RAPGEF6: variants seen among roughly 807,000 people sequenced by gnomAD.
The protein encoded by RAPGEF6 is Rap guanine nucleotide exchange factor 6.
In RAPGEF6, 56 loss-of-function variants were observed where a neutral mutation model predicts 171.4. The ratio of observed to expected loss-of-function variants is 0.33; its 90% confidence interval spans 0.26 to 0.41. The LOEUF is 0.41. RAPGEF6 is among the 10% of genes least tolerant of loss of function. The probability of loss-of-function intolerance (pLI) is 1.00; values close to 1 mark genes in which losing one functional copy is unlikely to be tolerated. For missense variants in RAPGEF6, 1,674 were observed against 1,921.4 expected (o/e 0.87, Z 2.41); for synonymous variants, 692 against 650.1 (o/e 1.06, Z -0.98).
chr5:131,530,471 T>C (rs1001242598), intron 6 of RAPGEF6, among the ~76,000 whole-genome samples: 2 of 152,158 alleles, frequency 1.3e-5, no homozygotes, highest in Admixed American at 6.5e-5. Flanking sequence ...CATAGTAGCA[T>C]AGGCAAAAAT....
intron 1 of RAPGEF6, among the ~76,000 whole-genome samples, chr5:131,634,464 G>A (rs756700266): frequency 6.6e-6 from 1 of 152,178 alleles, no homozygotes; most frequent in African/African-American, 2.4e-5. Context: ...CTTTAAACAT[G>A]CATCATCTAC....
Position 131,505,448 on chromosome 5 carries a change from A to T in RAPGEF6, c.1017T>A (p.Phe339Leu). 3 of 1,613,614 alleles carry T rather than the reference A, an allele frequency of 1.9e-6. No individual in the cohort carries two copies. The highest frequency in any genetic ancestry group is 2.5e-6 in the Non-Finnish European group (3 of 1,179,712). Residue 339 changes from phenylalanine (F) to leucine (L), a missense_variant, in exon 10 of 28, where the codon TTT becomes TTA. Physicochemically the swap from Phe to Leu is conservative, Grantham distance 22. Coordinates refer to ENST00000509018, the MANE Select transcript of RAPGEF6 (RefSeq NM_016340.6). ...SHPDGKVENL[F>L]MGNSFGITPT... The stretch of plus-strand genomic sequence containing the variant: ...GAGTAATTCCAAAACTATTTCCCAT[A>T]AACAAATTTTCAACTTTTCCATCTG...
chr5:131,449,657 G>T (rs747386699), intron 21 of RAPGEF6, among the ~76,000 whole-genome samples: 2 of 152,154 alleles, frequency 1.3e-5, no homozygotes, highest in South Asian at 4.1e-4. Flanking sequence ...ACTATGGAAA[G>T]AAAAGTATCT....
At chr5:131,560,575 C>G (rs927402598) in intron 5 of RAPGEF6, among the ~76,000 whole-genome samples, 2 of 152,156 alleles carry the variant, frequency 1.3e-5, no homozygotes, top group African/African-American at 4.8e-5. Flanking sequence ...TTCCTCAATA[C>G]ATACATTAAA....
At chr5:131,556,578 A>G (rs1761249729) in intron 5 of RAPGEF6, among the ~76,000 whole-genome samples, 1 of 152,200 alleles carries the variant, frequency 6.6e-6, no homozygotes, top group Non-Finnish European at 1.5e-5. Flanking sequence ...AAAATTTTAC[A>G]TATATTAAAA....
rs779762756 is a variant in RAPGEF6 at position 131,430,905 on chromosome 5, G to A, written c.4419C>T (p.Asp1473=). Residue 1473 remains aspartate (D), a synonymous_variant, in exon 26 of 28, where the codon GAC becomes GAT. Coordinates refer to ENST00000509018, the MANE Select transcript of RAPGEF6 (RefSeq NM_016340.6). ...SEGLDPKDAT[D]PVYKTVTSST... ...TTGAAGTGACAGTTTTATAAACTGG[G>A]TCAGTGGCATCCTTGGGGTCCAAGC... 4 of 1,611,898 alleles carry A rather than the reference G, an allele frequency of 2.5e-6. No individual in the cohort carries two copies. The East Asian group carries it at 6.7e-5, about 27-fold the overall frequency.
intron 6 of RAPGEF6, among the ~76,000 whole-genome samples, chr5:131,528,323 A>ATATTTATATAT (rs71000996): frequency 9.1e-5 from 10 of 109,360 alleles, no homozygotes; most frequent in South Asian, 7.2e-4. Context: ...TTATATATAT[A>ATATTTATATAT]TATATATATA....
intron 1 of RAPGEF6, among the ~76,000 whole-genome samples, chr5:131,613,072 C>T (rs533070416): frequency 5.3e-5 from 8 of 152,250 alleles, no homozygotes; most frequent in African/African-American, 1.9e-4. Context: ...AACATGTAGT[C>T]CTTCACAACA....
intron 4 of RAPGEF6, among the ~76,000 whole-genome samples, chr5:131,586,161 G>C (rs551118777): frequency 1.3e-5 from 2 of 152,276 alleles, no homozygotes; most frequent in South Asian, 4.1e-4. Context: ...TTAGAATTAA[G>C]AGCTCATGTT....
intron 1 of RAPGEF6, among the ~76,000 whole-genome samples, chr5:131,629,267 C>G (rs1222915712): frequency 6.6e-6 from 1 of 151,826 alleles, no homozygotes; most frequent in Non-Finnish European, 1.5e-5. Context: ...ATCACTTGAG[C>G]CTAGGAGTTC....
chr5:131,572,956 C>G (rs922781802), intron 4 of RAPGEF6, among the ~76,000 whole-genome samples: 3 of 152,116 alleles, frequency 2.0e-5, no homozygotes, highest in African/African-American at 4.8e-5. Context: ...CGCAAATGGT[C>G]TGAGGTGCCT....
intron 12 of RAPGEF6, among the ~76,000 whole-genome samples, chr5:131,496,643 G>C (rs113126715): frequency 5.9e-5 from 9 of 152,208 alleles, no homozygotes; most frequent in African/African-American, 2.2e-4. Flanking sequence ...CTTTTACTTA[G>C]CTTAATGTTT....
chr5:131,481,116 G>T (rs1332237396), intron 15 of RAPGEF6, among the ~76,000 whole-genome samples: 1 of 151,624 alleles, frequency 6.6e-6, no homozygotes, highest in East Asian at 2.0e-4. Flanking sequence ...GTAGAGATGG[G>T]GTTTCTCCAT....
intron 22 of RAPGEF6, among the ~76,000 whole-genome samples, chr5:131,444,500 T>A (rs1193941927): frequency 6.6e-6 from 1 of 152,228 alleles, no homozygotes; most frequent in Non-Finnish European, 1.5e-5. Flanking sequence ...AATTCTATAA[T>A]GCTCAGAAAT....
At chr5:131,464,014 A>T (rs1403075871) in intron 18 of RAPGEF6, 27 bp downstream of exon 18, 3 of 1,537,228 alleles carry the variant, frequency 2.0e-6, no homozygotes, top group Non-Finnish European at 2.6e-6. Flanking sequence ...TCTACAAATA[A>T]GCACATCCAC....
chr5:131,442,306 A>C, intron 23 of RAPGEF6, 43 bp downstream of exon 23: 1 of 1,527,136 alleles, frequency 6.5e-7, no homozygotes, highest in Non-Finnish European at 8.9e-7. Flanking sequence ...ACTCCCCTGG[A>C]AATTTCAGGT....
chr5:131,430,565 G>A (rs1397884635), intron 26 of RAPGEF6: 3 of 490,254 alleles, frequency 6.1e-6, no homozygotes, highest in Non-Finnish European at 1.1e-5. Flanking sequence ...GCACACTAAT[G>A]CGATGATATT....
intron 3 of RAPGEF6, among the ~76,000 whole-genome samples, chr5:131,602,420 C>CA (rs1335212632): frequency 6.6e-6 from 1 of 151,964 alleles, no homozygotes; most frequent in East Asian, 1.9e-4. Flanking sequence ...AATAAGGGCA[C>CA]AAAAATAACA....
At chr5:131,486,971 C>T (rs913046473) in intron 15 of RAPGEF6, among the ~76,000 whole-genome samples, 1 of 152,088 alleles carries the variant, frequency 6.6e-6, no homozygotes. Context: ...GCTTGGTGAT[C>T]CCTGATCGTC....
Sources: allele counts gnomAD v4.1 joint callset (sites outside exome capture counted in the v4.1 genomes callset), GRCh38; gene constraint gnomAD v4.1.1; transcripts MANE v1.5; gene names NCBI Gene and HGNC (gene_info 2026-07-23, HGNC 2026-07-21).